The following FTO variants were observed in gnomAD, a reference collection of about 807,000 sequenced individuals.
The protein encoded by FTO is FTO alpha-ketoglutarate dependent dioxygenase.
FTO carries 47 observed loss-of-function variants against 63.9 expected under a neutral mutation model. The ratio of observed to expected loss-of-function variants is 0.74; its 90% CI spans 0.58 to 0.94. The LOEUF (loss-of-function observed/expected upper bound fraction) is 0.94, where lower values mean the gene tolerates loss of function less well. Ranked by LOEUF, FTO falls within the 40% of genes least tolerant of loss-of-function variation. The pLI, the probability that FTO is intolerant of heterozygous loss-of-function variation, is 0.00. For missense variants in FTO, 562 were observed against 618.1 expected (o/e 0.91, Z 0.96); for synonymous variants, 207 against 224.4 (o/e 0.92, Z 0.69).
In FTO at chr16:53,844,204, T is replaced by G. The variant is rs2079553939; in HGVS notation, c.801T>G (p.Pro267=). Residue 267 remains proline, a synonymous_variant, in exon 4 of 9, where the codon CCT becomes CCG. Coordinates refer to ENST00000471389, the MANE Select transcript of FTO (RefSeq NM_001080432.3). ...ACTCTCATCTCGAAGGCAGGGATCC[T>G]GATATTTGGCATGTTGGTTTTAAGA... ...EDDSHLEGRD[P]DIWHVGFKIS... 1.2e-6 allele frequency: 2 copies of G among 1,613,734 alleles called. No individual in the cohort carries two copies. Among genetic ancestry groups the G allele is most frequent in the Non-Finnish European group, 1.7e-6 (2 of 1,179,646 alleles).
chr16:53,986,484 C>T (rs2143859529), intron 8 of FTO, among the ~76,000 whole-genome samples: 1 of 152,264 alleles, frequency 6.6e-6, no homozygotes, highest in Non-Finnish European at 1.5e-5. Flanking sequence ...TTGTGTGGTA[C>T]ACAGGAAGGG....
At chr16:53,714,488 C>G (rs912587348) in intron 1 of FTO, among the ~76,000 whole-genome samples, 1 of 152,084 alleles carries the variant, frequency 6.6e-6, no homozygotes, top group Non-Finnish European at 1.5e-5. Flanking sequence ...ATGGAAAATT[C>G]TGCTGATGAA....
intron 2 of FTO, among the ~76,000 whole-genome samples, chr16:53,823,606 T>C (rs1025705149): frequency 2.0e-5 from 3 of 151,948 alleles, no homozygotes; most frequent in Non-Finnish European, 2.9e-5. Flanking sequence ...ATTTCTCTTT[T>C]GCCTCAGTTT....
chr16:53,745,664 G>C (rs2076633259), intron 1 of FTO, among the ~76,000 whole-genome samples: 1 of 152,104 alleles, frequency 6.6e-6, no homozygotes. Context: ...GGATGGTCAG[G>C]GTCTTTTGTC....
At chr16:53,839,244 G>A (rs2079394059) in intron 3 of FTO, among the ~76,000 whole-genome samples, 1 of 152,094 alleles carries the variant, frequency 6.6e-6, no homozygotes, top group Non-Finnish European at 1.5e-5. Flanking sequence ...CTGGGAGCTG[G>A]GAGTGCACCA....
chr16:53,732,143 G>A (rs1242380942), intron 1 of FTO, among the ~76,000 whole-genome samples: 2 of 149,898 alleles, frequency 1.3e-5, no homozygotes, highest in Admixed American at 6.7e-5. Flanking sequence ...CTGCCTCCGG[G>A]CTTCATGCCA....
intron 8 of FTO, among the ~76,000 whole-genome samples, chr16:53,970,192 A>G (rs1490060222): frequency 6.6e-6 from 1 of 152,240 alleles, no homozygotes; most frequent in South Asian, 2.1e-4. Context: ...CCCGTTTAAA[A>G]GGGAATTCAA....
rs1171867979 is a variant in FTO, at chr16:53,879,762, CA to C, written c.976-79del. ...CAACAGGTGAATTCACAGCCAGGGA[CA>C]AATATGAACAATCCTAGGAAGGATG... On this transcript the variant is annotated intron_variant, in intron 5 of 8. Coordinates refer to ENST00000471389, the MANE Select transcript of FTO (RefSeq NM_001080432.3). 1.0e-5 allele frequency: 15 copies of C among 1,458,026 alleles called. No homozygotes were observed. In the Admixed American group the frequency reaches 2.6e-4, roughly 25 times the overall value. 90.3% of individuals were successfully genotyped at this position (1,458,026 alleles called of 1,614,324 possible).
Position 54,035,406 on chromosome 16 carries a change from G to T in FTO, c.1365-76356G>T, listed in dbSNP as rs1387771761. Among the ~76,000 whole-genome samples the T allele has an allele frequency of 2.0e-5, 3 of 152,204 alleles. No individual in the cohort carries two copies. In the East Asian group the frequency reaches 5.8e-4, roughly 29 times the overall value. ...ACACAGATCCTTCATTTGATGTCCTGTCTAAACGTGACTTCACAAAGATCT... is the reference window on the plus strand; with the variant it reads ...ACACAGATCCTTCATTTGATGTCCTTTCTAAACGTGACTTCACAAAGATCT... On this transcript the variant is annotated intron_variant, in intron 8 of 8. Transcript: ENST00000471389.
At chr16:53,850,907 C>T (rs1283216288) in intron 4 of FTO, among the ~76,000 whole-genome samples, 2 of 152,004 alleles carry the variant, frequency 1.3e-5, no homozygotes, top group Admixed American at 6.6e-5. Flanking sequence ...CTTCGTTTTG[C>T]AGCTTTTGCT....
chr16:54,096,258 G>T (rs16953047), intron 8 of FTO, among the ~76,000 whole-genome samples: 21,444 of 152,236 alleles, frequency 0.14, 1,720 homozygotes, highest in Admixed American at 0.19. Context: ...GTTTCCAAAT[G>T]TTAGCTGTAG....
At chr16:53,774,663 T>C (rs181358677) in intron 1 of FTO, among the ~76,000 whole-genome samples, 203 of 152,264 alleles carry the variant, frequency 1.3e-3, no homozygotes, top group African/African-American at 4.6e-3. Context: ...GGGAAATAGG[T>C]TGATATAAAG....
chr16:53,856,205 G>A (rs901737688), intron 4 of FTO, among the ~76,000 whole-genome samples: 5 of 151,874 alleles, frequency 3.3e-5, no homozygotes, highest in Non-Finnish European at 5.9e-5. Flanking sequence ...TTTTTCAGTC[G>A]ATCTTTATTG....
intron 8 of FTO, among the ~76,000 whole-genome samples, chr16:54,091,648 C>T (rs139983258): frequency 1.3e-5 from 2 of 152,206 alleles, no homozygotes; most frequent in Non-Finnish European, 2.9e-5. Context: ...GTGGAACAGT[C>T]TTGCTTTTTC....
intron 8 of FTO, among the ~76,000 whole-genome samples, chr16:54,097,488 C>A (rs2086542827): frequency 6.6e-6 from 1 of 151,996 alleles, no homozygotes; most frequent in South Asian, 2.1e-4. Context: ...CTACAGGGTA[C>A]TATTACTTTT....
chr16:54,080,794 G>A (rs1349403547), intron 8 of FTO, among the ~76,000 whole-genome samples: 2 of 150,928 alleles, frequency 1.3e-5, no homozygotes, highest in Non-Finnish European at 2.9e-5. Context: ...ACTGACTCAT[G>A]TGCAGTTTGG....
intron 8 of FTO, among the ~76,000 whole-genome samples, chr16:54,004,942 T>C (rs6416751): frequency 0.69 from 104,774 of 151,576 alleles, 37,283 homozygotes; most frequent in African/African-American, 0.86. Context: ...TGGTGGCAGG[T>C]GCCTGTAGTC....
chr16:53,843,410 TTCTC>T (rs547425395), intron 3 of FTO, among the ~76,000 whole-genome samples: 165 of 152,318 alleles, frequency 1.1e-3, no homozygotes, highest in Non-Finnish European at 1.9e-3. Context: ...GTGAAAAAAT[TTCTC>T]TCTTTTGGCT....
At chr16:53,958,373 G>A (rs1389805023) in intron 8 of FTO, among the ~76,000 whole-genome samples, 2 of 152,194 alleles carry the variant, frequency 1.3e-5, no homozygotes, top group Non-Finnish European at 2.9e-5. Flanking sequence ...GCCTCCTCCA[G>A]CGTGGAAAGC....
Sources: allele counts gnomAD v4.1 joint callset (sites outside exome capture counted in the v4.1 genomes callset), GRCh38; gene constraint gnomAD v4.1.1; transcripts MANE v1.5; gene names NCBI Gene and HGNC (gene_info 2026-07-23, HGNC 2026-07-21).